LRP1B: variants seen among roughly 807,000 people sequenced by gnomAD.
LRP1B encodes the protein LDL receptor related protein 1B.
Under a neutral mutation model 556.6 loss-of-function variants are expected in LRP1B, and 217 were observed. That is an observed-to-expected ratio of 0.39 (90% CI 0.35 to 0.44). The LOEUF is 0.44. Among genes scored for constraint, LRP1B ranks in the 20% least tolerant of loss-of-function variants. The probability of loss-of-function intolerance (pLI) is 1.00; values close to 1 mark genes in which losing one functional copy is unlikely to be tolerated. For missense variants in LRP1B, 5,053 were observed against 5,620.8 expected, an observed-to-expected ratio of 0.90 and a Z score of 3.23; for synonymous variants, 2,047 against 1,865.8, an observed-to-expected ratio of 1.10 and a Z score of -2.50.
At chr2:141,360,453 G>T (rs1294721678) in intron 3 of LRP1B, among the ~76,000 whole-genome samples, 4 of 152,196 alleles carry the variant, frequency 2.6e-5, no homozygotes, top group African/African-American at 9.6e-5. Flanking sequence ...ATACAGAATG[G>T]ATATGTATGT....
At chr2:141,516,250 G>A (rs191244994) in intron 2 of LRP1B, among the ~76,000 whole-genome samples, 1 of 152,184 alleles carries the variant, frequency 6.6e-6, no homozygotes, top group East Asian at 1.9e-4. Flanking sequence ...ATAACACTCA[G>A]AAGCATTTCA....
At chr2:141,292,566 T>A (rs300351) in intron 3 of LRP1B, among the ~76,000 whole-genome samples, 149,561 of 152,254 alleles carry the variant, frequency 0.98, 73,527 homozygotes, top group East Asian at 1. Context: ...GATTAAAGTC[T>A]ATATCGAAAA....
At chr2:142,102,200 G>C in intron 1 of LRP1B, among the ~76,000 whole-genome samples, 1 of 151,868 alleles carries the variant, frequency 6.6e-6, no homozygotes, top group Non-Finnish European at 1.5e-5. Flanking sequence ...CTAAAGCAGC[G>C]TCTCAAAACA....
rs780571798 is a variant in LRP1B at position 141,020,036 on chromosome 2, C to T, written c.1856G>A (p.Gly619Asp). The T allele has an allele frequency of 2.5e-6, 4 of 1,611,846 alleles. No homozygotes were observed. Among genetic ancestry groups the T allele is most frequent in the Non-Finnish European group, 3.4e-6 (4 of 1,178,570 alleles). Reference sequence around the variant, plus strand: ...GGCCACATTAATGGTTTTCCTATGGCCATCATTGGTCCAGTAAAGATTATT... The same window carrying T: ...GGCCACATTAATGGTTTTCCTATGGTCATCATTGGTCCAGTAAAGATTATT... ...IGNNLYWTNDGHRKTINVARL... is the reference protein window; with the variant it reads ...IGNNLYWTNDDHRKTINVARL... The change falls in exon 12 of 91, where the codon GGC becomes GAC. Residue 619 changes from glycine to aspartate, a missense_variant. Physicochemically the swap from Gly to Asp is moderately conservative, Grantham distance 94 (BLOSUM62 -1). This residue lies in a region of LRP1B where 3,619 missense variants were observed against 3,931.9 expected (regional missense o/e 0.92). Transcript: ENST00000389484.
chr2:140,754,536 T>C (rs567360737), intron 35 of LRP1B, among the ~76,000 whole-genome samples: 1 of 152,254 alleles, frequency 6.6e-6, no homozygotes, highest in South Asian at 2.1e-4. Context: ...TGGAAATTCA[T>C]AAATGTGGTG....
chr2:140,737,742 G>A (rs10439180), intron 35 of LRP1B, among the ~76,000 whole-genome samples: 69,983 of 151,974 alleles, frequency 0.46, 17,462 homozygotes, highest in Non-Finnish European at 0.57. Context: ...ATGAAAGACA[G>A]GGTGCAGGAG....
At chr2:141,771,187 G>A (rs186510103) in intron 2 of LRP1B, among the ~76,000 whole-genome samples, 2 of 152,220 alleles carry the variant, frequency 1.3e-5, no homozygotes, top group African/African-American at 2.4e-5. Context: ...GGATTTAGGA[G>A]CAAATAAGAA....
rs1701801403 is a variant in LRP1B at position 141,973,484 on chromosome 2, G to A, written c.82+157164C>T. On this transcript the variant is annotated intron_variant, in intron 1 of 90. Coordinates refer to ENST00000389484, the MANE Select transcript of LRP1B (RefSeq NM_018557.3). ...TGAGACCAGAAGGAAAAGAAAAGCAGTTTTTATATCTGTTTCTTCAGTGTT... is the reference window on the plus strand; with the variant it reads ...TGAGACCAGAAGGAAAAGAAAAGCAATTTTTATATCTGTTTCTTCAGTGTT... 2.6e-5 allele frequency among the ~76,000 whole-genome samples: 4 copies of A among 151,732 alleles called. No homozygotes were observed. In the South Asian group the frequency reaches 8.3e-4, roughly 31 times the overall value.
At chr2:141,880,162 A>T (rs539453418) in intron 1 of LRP1B, among the ~76,000 whole-genome samples, 1 of 151,948 alleles carries the variant, frequency 6.6e-6, no homozygotes, top group Non-Finnish European at 1.5e-5. Flanking sequence ...TCTACGATCC[A>T]TCAAGGGCCA....
intron 43 of LRP1B, among the ~76,000 whole-genome samples, chr2:140,550,008 G>T (rs1414425376): frequency 6.6e-6 from 1 of 151,732 alleles, no homozygotes; most frequent in Non-Finnish European, 1.5e-5. Context: ...CCCTCCCCTA[G>T]CCCCCACCCT....
rs74775388 is a variant in LRP1B at position 140,997,656 on chromosome 2, T to C, written c.2504-3521A>G. On this transcript the variant is annotated intron_variant, in intron 15 of 90. Coordinates refer to ENST00000389484, the MANE Select transcript of LRP1B (RefSeq NM_018557.3). Reference sequence around the variant, plus strand: ...AACAAAAAAAATAAAATAAAATGTCTTTCTATTATTTCTGCTTATCTAATA... The same window carrying C: ...AACAAAAAAAATAAAATAAAATGTCCTTCTATTATTTCTGCTTATCTAATA... Among the ~76,000 whole-genome samples the C allele has an allele frequency of 9.4e-4, 143 of 152,124 alleles. 7 individuals carry two copies. In the East Asian group the frequency reaches 0.028, roughly 29 times the overall value.
chr2:141,511,127 C>A (rs1295752847), intron 2 of LRP1B, among the ~76,000 whole-genome samples: 1 of 152,080 alleles, frequency 6.6e-6, no homozygotes, highest in Non-Finnish European at 1.5e-5. Flanking sequence ...AGCTGTCGTG[C>A]CCTCAAGGGA....
chr2:141,684,741 T>A (rs184569899), intron 2 of LRP1B, among the ~76,000 whole-genome samples: 1 of 152,238 alleles, frequency 6.6e-6, no homozygotes, highest in East Asian at 1.9e-4. Context: ...GCCTCTTGAC[T>A]AATGGAGCAA....
At position 140,444,323 on chromosome 2, in the gene LRP1B, G is replaced by A. The variant is rs1332975026; in HGVS notation, c.10294+7C>T. 1 of 1,613,680 alleles carries A rather than the reference G, an allele frequency of 6.2e-7. No individual in the cohort carries two copies. The highest frequency in any genetic ancestry group is 2.2e-5 in the East Asian group (1 of 44,838). On this transcript the variant is annotated splice_region_variant and intron_variant, in intron 65 of 90. Coordinates refer to ENST00000389484, the MANE Select transcript of LRP1B (RefSeq NM_018557.3). ...AAGACAAGACAGAGTATTTTGAGGT[G>A]ACTTACGACAGTCTCTTTCATCTTC...
chr2:140,367,025 T>C (rs774843123), intron 71 of LRP1B, among the ~76,000 whole-genome samples: 5 of 151,624 alleles, frequency 3.3e-5, no homozygotes, highest in Non-Finnish European at 7.4e-5. Flanking sequence ...AGGCTTAGAC[T>C]GGAAGTGAAA....
chr2:141,726,017 C>T (rs947525302), intron 2 of LRP1B, among the ~76,000 whole-genome samples: 1 of 151,304 alleles, frequency 6.6e-6, no homozygotes, highest in African/African-American at 2.4e-5. Flanking sequence ...CTTTTGTATA[C>T]GGATTAAGAT....
intron 11 of LRP1B, among the ~76,000 whole-genome samples, chr2:141,027,313 T>C (rs1172034000): frequency 1.3e-5 from 2 of 152,058 alleles, no homozygotes; most frequent in Non-Finnish European, 2.9e-5. Context: ...CTTTTGCAAA[T>C]GAAAATATGA....
At chr2:140,766,747 A>C (rs1689117696) in intron 35 of LRP1B, among the ~76,000 whole-genome samples, 1 of 149,242 alleles carries the variant, frequency 6.7e-6, no homozygotes, top group African/African-American at 2.5e-5. Context: ...AAAACATAAT[A>C]TCAGTTGAGA....
chr2:141,502,866 A>T (rs1683775362), intron 2 of LRP1B, among the ~76,000 whole-genome samples: 2 of 144,378 alleles, frequency 1.4e-5, no homozygotes, highest in Non-Finnish European at 3.0e-5. Flanking sequence ...TCAAAAAATA[A>T]AAAATAAATA....
Sources: allele counts gnomAD v4.1 joint callset (sites outside exome capture counted in the v4.1 genomes callset), GRCh38; gene constraint gnomAD v4.1.1; regional missense constraint gnomAD v4.1.1; transcripts MANE v1.5; gene names NCBI Gene and HGNC (gene_info 2026-07-23, HGNC 2026-07-21).